RIC3: variants seen among roughly 807,000 people sequenced by gnomAD.
The protein encoded by RIC3 is protein RIC-3.
RIC3 carries 28 observed loss-of-function variants against 27.3 expected under a neutral mutation model. The observed-to-expected ratio is 1.02, with a 90% CI of 0.76 to 1.41. RIC3 has a LOEUF of 1.41. RIC3 is among the 40% of genes most tolerant of loss of function. The pLI, the probability that RIC3 is intolerant of heterozygous loss-of-function variation, is 0.00. For synonymous variants in RIC3, 184 were observed against 160.4 expected (o/e 1.15, Z -1.11); for missense variants, 501 against 444.7 (o/e 1.13, Z -1.14).
intron 1 of RIC3, among the ~76,000 whole-genome samples, chr11:8,156,961 T>C (rs1458500066): frequency 6.6e-6 from 1 of 152,230 alleles, no homozygotes; most frequent in African/African-American, 2.4e-5. Context: ...GTGTATATCA[T>C]ATCTGAGAAC....
intron 4 of RIC3, among the ~76,000 whole-genome samples, chr11:8,134,002 A>T (rs1948059777): frequency 1.3e-5 from 2 of 149,970 alleles, no homozygotes; most frequent in South Asian, 4.2e-4. Context: ...TAATATATAT[A>T]TTTTTTATTA....
At chr11:8,116,851 G>C (rs1039737625) in intron 5 of RIC3, among the ~76,000 whole-genome samples, 4 of 152,110 alleles carry the variant, frequency 2.6e-5, no homozygotes, top group African/African-American at 9.7e-5. Flanking sequence ...CAGTATACTG[G>C]CTCCTCAACA....
downstream of RIC3, chr11:8,105,578 C>CAAACCACATAATCTCTCTAGGTCCA (rs1944532647): frequency 6.6e-6 from 1 of 152,178 alleles, no homozygotes; most frequent in Non-Finnish European, 1.5e-5. Flanking sequence ...TGATTTTGAG[C>CAAACCACATAATCTCTCTAGGTCCA]AAACCACATA....
intron 5 of RIC3, among the ~76,000 whole-genome samples, chr11:8,119,277 C>G (rs1409720976): frequency 6.6e-6 from 1 of 152,186 alleles, no homozygotes; most frequent in East Asian, 1.9e-4. Context: ...AGGCATCATG[C>G]TACCTGACTT....
At position 8,126,723 on chromosome 11, in the gene RIC3, T is replaced by C. The variant is rs1947030244; in HGVS notation, c.606A>G (p.Lys202=). The C allele has an allele frequency of 6.2e-7, 1 of 1,614,146 alleles. No homozygotes were observed. ...REITRVMKEG[K]FIDRFSPEKE... The stretch of plus-strand genomic sequence containing the variant: ...TCTCTGGAGAAAATCTGTCAATGAA[T>C]TTTCCTTCTTTCATGACCCTGGTGA... Residue 202 remains lysine (K), a synonymous_variant, in exon 5 of 6, where the codon AAA becomes AAG. Coordinates refer to ENST00000309737, the MANE Select transcript of RIC3 (RefSeq NM_001206671.4).
the RIC3 span, chr11:8,100,780 T>C: frequency 1.2e-6 from 2 of 1,606,990 alleles, no homozygotes; most frequent in South Asian, 1.1e-5. Context: ...GGGGTGGTCA[T>C]GGTGCCAAAG....
chr11:8,129,875 G>T (rs1947480530), intron 4 of RIC3, among the ~76,000 whole-genome samples: 1 of 152,126 alleles, frequency 6.6e-6, no homozygotes, highest in Non-Finnish European at 1.5e-5. Flanking sequence ...CCTTTGCTCT[G>T]ACCTCAAGAA....
intron 2 of RIC3, 184 bp from the exon 3 acceptor site, chr11:8,138,531 A>T: frequency 1.9e-6 from 1 of 534,582 alleles, no homozygotes; most frequent in Non-Finnish European, 3.3e-6. Flanking sequence ...CCAAGTAAAA[A>T]ATTATCAAAG....
In RIC3 at chr11:8,107,629, G is replaced by A. The variant is rs1243598375; in HGVS notation, c.*3069C>T. On this transcript the variant is annotated 3_prime_UTR_variant, in exon 6 of 6. Transcript: ENST00000309737. The stretch of plus-strand genomic sequence containing the variant: ...GTTCTCAAAGGCCGTTGATTCTACA[G>A]GCCAAATACACCTCCACTCCTCATC... 6.6e-6 allele frequency: 1 copy of A among 152,126 alleles called. No individual in the cohort carries two copies. Among genetic ancestry groups the A allele is most frequent in the Non-Finnish European group, 1.5e-5 (1 of 68,046 alleles). The allele number at this position is 152,126 out of a possible 1,614,324, so 9.4% of individuals were successfully genotyped here. A position where few individuals can be genotyped will look rare whatever the true frequency, so the allele number is the denominator to read the frequency against.
Position 8,138,304 on chromosome 11 carries a change from G to T in RIC3, c.395C>A (p.Thr132Asn), listed in dbSNP as rs1192455851. ...KTTAEDGKCY[T>N]AMPGNTHRKI... is the part of the protein sequence containing the mutation. The stretch of plus-strand genomic sequence containing the variant: ...CCTGTGGGTGTTTCCAGGCATGGCA[G>T]TATAGCATTTCCCATCCTCTGCAGT... Residue 132 changes from threonine (T) to asparagine (N), a missense_variant, in exon 3 of 6, where the codon ACT becomes AAT. Physicochemically the swap from Thr to Asn is moderately conservative, Grantham distance 65. Transcript: ENST00000309737. 1 of 1,613,568 alleles carries T rather than the reference G, an allele frequency of 6.2e-7. No homozygotes were observed. Among genetic ancestry groups the T allele is most frequent in the Non-Finnish European group, 8.5e-7 (1 of 1,179,560 alleles).
chr11:8,146,907 T>G (rs1231706826), intron 1 of RIC3, among the ~76,000 whole-genome samples: 1 of 152,196 alleles, frequency 6.6e-6, no homozygotes, highest in Non-Finnish European at 1.5e-5. Context: ...AGCTCTCAGA[T>G]AGCAGACTTC....
intron 4 of RIC3, chr11:8,135,641 T>C (rs1948309779): frequency 6.6e-6 from 1 of 152,230 alleles, no homozygotes; most frequent in Admixed American, 6.5e-5. Context: ...CATTTGTTTG[T>C]ATCCTCTTTT....
At chr11:8,159,604 C>G (rs1406259577) in intron 1 of RIC3, among the ~76,000 whole-genome samples, 1 of 152,074 alleles carries the variant, frequency 6.6e-6, no homozygotes, top group African/African-American at 2.4e-5. Context: ...GTTGAATGAC[C>G]CTAAACAAAA....
At chr11:8,113,021 T>A (rs1945442037) in intron 5 of RIC3, among the ~76,000 whole-genome samples, 1 of 152,248 alleles carries the variant, frequency 6.6e-6, no homozygotes, top group African/African-American at 2.4e-5. Context: ...CTGTCCATCT[T>A]ATGACACCCT....
downstream of RIC3, chr11:8,101,409 G>C: frequency 6.4e-7 from 1 of 1,568,590 alleles, no homozygotes; most frequent in South Asian, 1.1e-5. Flanking sequence ...ATGTGGTTTG[G>C]GTGTCTGTCT....
chr11:8,163,728 T>A (rs994320545), intron 1 of RIC3, among the ~76,000 whole-genome samples: 31 of 151,990 alleles, frequency 2.0e-4, no homozygotes, highest in African/African-American at 7.0e-4. Flanking sequence ...AATCCTCTGT[T>A]CATAGATTGA....
At position 8,140,039 on chromosome 11, in the gene RIC3, T is replaced by C. The variant is rs1172025805; in HGVS notation, c.279A>G (p.Arg93=). 13 of 1,613,930 alleles carry C rather than the reference T, an allele frequency of 8.1e-6. No homozygotes were observed. The highest frequency in any genetic ancestry group is 1.1e-5 in the Non-Finnish European group (13 of 1,180,016). ...GGGAGGGGSG[R]GLMGQIIPIY... ...TTGGAATAATCTGCCCCATCAGACC[T>C]CTTCCACTACCTCCTCCTCCAGCAC... The change falls in exon 2 of 6, where the codon AGA becomes AGG. Residue 93 remains arginine, a synonymous_variant. Coordinates refer to ENST00000309737, the MANE Select transcript of RIC3 (RefSeq NM_001206671.4).
intron 1 of RIC3, among the ~76,000 whole-genome samples, chr11:8,146,738 C>T (rs961228409): frequency 6.7e-6 from 1 of 150,374 alleles, no homozygotes; most frequent in Non-Finnish European, 1.5e-5. Context: ...GGCGGGGTGG[C>T]AGGGGGCGGG....
chr11:8,115,232 C>A (rs1945713122), intron 5 of RIC3, among the ~76,000 whole-genome samples: 1 of 151,038 alleles, frequency 6.6e-6, no homozygotes. Context: ...GGAGTTCTAA[C>A]AGATTTATCA....
Sources: gnomAD v4.1 joint callset for allele counts (sites outside exome capture counted in the v4.1 genomes callset) on GRCh38, gnomAD v4.1.1 for gene constraint, MANE v1.5 for transcripts, NCBI Gene and HGNC (gene_info 2026-07-23, HGNC 2026-07-21) for gene names.